The following PRSS58 variants were observed in gnomAD, a reference collection of about 807,000 sequenced individuals.
PRSS58 encodes the protein serine protease 58.
In PRSS58, 31 loss-of-function variants were observed where a neutral mutation model predicts 25.0. That is an observed-to-expected ratio of 1.24 (90% CI 0.93 to 1.67). The LOEUF is 1.67. Among genes scored for constraint, PRSS58 ranks in the 40% most tolerant of loss-of-function variants. The pLI, the probability that PRSS58 is intolerant of heterozygous loss-of-function variation, is 0.00. For synonymous variants in PRSS58, 119 were observed against 106.1 expected, an observed-to-expected ratio of 1.12 and a Z score of -0.75; for missense variants, 324 against 287.9, an observed-to-expected ratio of 1.13 and a Z score of -0.91.
In PRSS58 at chr7:142,258,010, A is replaced by G. The variant is rs1373427749; in HGVS notation, c.-61T>C. The G allele has an allele frequency of 1.9e-5, 7 of 377,068 alleles. No individual in the cohort carries two copies. In the East Asian group the frequency reaches 2.6e-4, roughly 14 times the overall value. 23.4% of individuals were successfully genotyped at this position (377,068 alleles called of 1,614,324 possible). ...AAGTACCAAAGCTAAGTTGAAGTTC[A>G]TGATATCTCTACAGACGCCTCCTGT... On this transcript the variant is annotated 5_prime_UTR_variant, in exon 1 of 6. It removes an upstream start codon present in the reference 5' UTR. Transcript: ENST00000547058.
chr7:142,252,219 G>A lies in PRSS58; in HGVS notation c.*2C>T. 6.2e-7 allele frequency: 1 copy of A among 1,609,780 alleles called. No individual in the cohort carries two copies. The highest frequency in any genetic ancestry group is 8.5e-7 in the Non-Finnish European group (1 of 1,178,176). On this transcript the variant is annotated 3_prime_UTR_variant, in exon 6 of 6. Transcript: ENST00000547058. Reference sequence around the variant, plus strand: ...TGTCATATGGTCCACAACTGCCACAGCTCAGTTATTTTGGATTACATTTTC... The same window carrying A: ...TGTCATATGGTCCACAACTGCCACAACTCAGTTATTTTGGATTACATTTTC...
In PRSS58 at chr7:142,252,270, T is replaced by C. The variant is rs1268185163; in HGVS notation, c.677A>G (p.Lys226Arg). Residue 226 changes from lysine to arginine, a missense_variant, in exon 6 of 6, where the codon AAA becomes AGA. By Grantham distance (26) the Lys-to-Arg change is conservative (BLOSUM62 2). Coordinates refer to ENST00000547058, the MANE Select transcript of PRSS58 (RefSeq NM_001001317.5). ...VLRADVGIYAKIFYYIPWIEN... is the reference protein window; with the variant it reads ...VLRADVGIYARIFYYIPWIEN... ...AATCCAGGGTATATAGTAAAAAATT[T>C]TGGCATAGATGCCAACATCAGCTCT... 6.2e-7 allele frequency: 1 copy of C among 1,614,082 alleles called. No homozygotes were observed. The highest frequency in any genetic ancestry group is 1.3e-5 in the African/African-American group (1 of 75,054).
intron 4 of PRSS58, among the ~76,000 whole-genome samples, chr7:142,254,723 A>G (rs1451813338): frequency 6.6e-6 from 1 of 152,186 alleles, no homozygotes; most frequent in Non-Finnish European, 1.5e-5. Context: ...AATATACAAC[A>G]GAGTAATCTG....
Position 142,255,535 on chromosome 7 carries a change from G to T in PRSS58, c.179C>A (p.Pro60Gln), listed in dbSNP as rs1462350367. 5.6e-6 allele frequency: 9 copies of T among 1,613,904 alleles called. No homozygotes were observed. Among genetic ancestry groups the T allele is most frequent in the Non-Finnish European group, 7.6e-6 (9 of 1,179,978 alleles). The change falls in exon 3 of 6, where the codon CCA (proline) becomes CAA (glutamine). Residue 60 changes from proline (P) to glutamine (Q), a missense_variant and splice_region_variant. Transcript: ENST00000547058. ...WVITAAHCNLPKLRVILGVTI... is the reference protein window; with the variant it reads ...WVITAAHCNLQKLRVILGVTI... ...GTGCCTTTGAAGGCTTATCACTCACGGTAAATTGCAGTGTGCAGCTGTGAT... is the reference window on the plus strand; with the variant it reads ...GTGCCTTTGAAGGCTTATCACTCACTGTAAATTGCAGTGTGCAGCTGTGAT...
At position 142,255,058 on chromosome 7, in the gene PRSS58, T is replaced by C. The variant is rs921072664; in HGVS notation, c.433A>G (p.Ile145Val). 2.5e-6 allele frequency: 4 copies of C among 1,613,898 alleles called. No individual in the cohort carries two copies. The African/African-American group carries it at 5.3e-5, about 22-fold the overall frequency. ...VSTWSYNVCD[I>V]YKEPDSLQTV... The stretch of plus-strand genomic sequence containing the variant: ...AAGAACATTGTCTTGAACTCACAGA[T>C]ATCACACACATTGTAGCTCCAGGTA... The change falls in exon 4 of 6, where the codon ATC becomes GTC. Residue 145 changes from isoleucine (I) to valine (V), a missense_variant. Transcript: ENST00000547058.
chr7:142,255,737 G>T, intron 2 of PRSS58, 64 bp from the exon 3 acceptor site: 2 of 1,473,780 alleles, frequency 1.4e-6, no homozygotes, highest in South Asian at 1.4e-5. Context: ...AAAACTTCAG[G>T]AAAGTCATTT....
chr7:142,254,878 C>T (rs918988242), intron 4 of PRSS58, among the ~76,000 whole-genome samples, 177 bp downstream of exon 4: 2 of 146,260 alleles, frequency 1.4e-5, no homozygotes, highest in African/African-American at 5.3e-5. Flanking sequence ...AAAGATACAG[C>T]GGGTGAATAA....
intron 4 of PRSS58, among the ~76,000 whole-genome samples, chr7:142,254,256 C>A (rs545464315): frequency 1.3e-5 from 2 of 152,200 alleles, no homozygotes; most frequent in East Asian, 3.9e-4. Flanking sequence ...TCTCAACTCT[C>A]GTAATTAGCA....
At chr7:142,255,490 C>A in intron 3 of PRSS58, 45 bp downstream of exon 3, 1 of 1,613,390 alleles carries the variant, frequency 6.2e-7, no homozygotes, top group South Asian at 1.1e-5. Context: ...TGTGCCCAAC[C>A]TGAGAACCCA....
rs1480075776 is a variant in PRSS58 at position 142,252,202 on chromosome 7, G to T, written c.*19C>A. 6 of 1,599,666 alleles carry T rather than the reference G, an allele frequency of 3.8e-6. No individual in the cohort carries two copies. Among genetic ancestry groups the T allele is most frequent in the Non-Finnish European group, 4.3e-6 (5 of 1,173,450 alleles). ...ACGATGGGGACAAGCTGTGTCATAT[G>T]GTCCACAACTGCCACAGCTCAGTTA... On this transcript the variant is annotated 3_prime_UTR_variant, in exon 6 of 6. Transcript: ENST00000547058.
intron 4 of PRSS58, among the ~76,000 whole-genome samples, chr7:142,254,815 T>C (rs1440934204): frequency 6.6e-6 from 1 of 152,176 alleles, no homozygotes; most frequent in African/African-American, 2.4e-5. Flanking sequence ...GGAATACAAA[T>C]GTTTTCTTTC....
At chr7:142,253,564 G>C (rs912740611) in intron 4 of PRSS58, among the ~76,000 whole-genome samples, 8 of 152,184 alleles carry the variant, frequency 5.3e-5, no homozygotes, top group African/African-American at 1.9e-4. Flanking sequence ...ATTTCTTTGG[G>C]AAGAAGTACT....
chr7:142,257,819 G>T, intron 1 of PRSS58, 71 bp from the exon 2 acceptor site: 2 of 860,712 alleles, frequency 2.3e-6, no homozygotes, highest in Non-Finnish European at 3.8e-6. Flanking sequence ...TATATCATCT[G>T]AATTATTTTA....
chr7:142,256,242 T>C (rs1204997456), intron 2 of PRSS58, among the ~76,000 whole-genome samples: 1 of 152,216 alleles, frequency 6.6e-6, no homozygotes, highest in African/African-American at 2.4e-5. Flanking sequence ...ATTCCTGCTC[T>C]CATATATTAC....
chr7:142,255,395 A>T (rs1798538406), intron 3 of PRSS58, 84 bp from the exon 4 acceptor site: 2 of 1,576,958 alleles, frequency 1.3e-6, no homozygotes, highest in Admixed American at 1.7e-5. Flanking sequence ...CTCCCCACAG[A>T]CCTTTTTCTG....
At position 142,257,724 on chromosome 7, in the gene PRSS58, C is replaced by G. The variant is rs1798582070; in HGVS notation, c.-17G>C. ...AAACTTCATGATGATGTTGAAAGCCCAGTTTAGCTCCAGTCTCTGGAAAAC... is the reference window on the plus strand; with the variant it reads ...AAACTTCATGATGATGTTGAAAGCCGAGTTTAGCTCCAGTCTCTGGAAAAC... On this transcript the variant is annotated 5_prime_UTR_variant, in exon 2 of 6. Coordinates refer to ENST00000547058, the MANE Select transcript of PRSS58 (RefSeq NM_001001317.5). 1.2e-6 allele frequency: 2 copies of G among 1,609,498 alleles called. No homozygotes were observed. The highest frequency in any genetic ancestry group is 1.1e-5 in the South Asian group (1 of 90,852).
In PRSS58 at chr7:142,254,979, G is replaced by A. The variant is rs556852193; in HGVS notation, c.436+76C>T. On this transcript the variant is annotated intron_variant, in intron 4 of 5. Coordinates refer to ENST00000547058, the MANE Select transcript of PRSS58 (RefSeq NM_001001317.5). ...GGTTAGAAGAAAGCTTCACTAGGCC[G>A]AATTGAAGAAGCCAAGAGTCGCGAA... is the stretch of plus-strand genomic sequence containing the variant. 4.5e-5 allele frequency: 64 copies of A among 1,422,280 alleles called. No homozygotes were observed. In the African/African-American group the frequency reaches 5.6e-4, roughly 12 times the overall value. 88.1% of individuals were successfully genotyped at this position (1,422,280 alleles called of 1,614,324 possible).
rs545524261 is a variant in PRSS58 at position 142,252,843 on chromosome 7, G to A, written c.437-232C>T. Among the ~76,000 whole-genome samples, 20 of 152,326 alleles carry A rather than the reference G, an allele frequency of 1.3e-4. No homozygotes were observed. The South Asian group carries it at 3.5e-3, about 27-fold the overall frequency. ...GTGATCAAATTCTTGGGAGTTACATGTACATGTGAGACACTCCAGGAATGA... is the reference window on the plus strand; with the variant it reads ...GTGATCAAATTCTTGGGAGTTACATATACATGTGAGACACTCCAGGAATGA... On this transcript the variant is annotated intron_variant, in intron 4 of 5. Transcript: ENST00000547058.
At position 142,257,754 on chromosome 7, in the gene PRSS58, AAG is replaced by A; in HGVS notation, c.-41-8_-41-7del. 5 of 1,483,248 alleles carry A rather than the reference AAG, an allele frequency of 3.4e-6. No individual in the cohort carries two copies. Among genetic ancestry groups the A allele is most frequent in the Non-Finnish European group, 4.7e-6 (5 of 1,063,374 alleles). 91.9% of individuals were successfully genotyped at this position (1,483,248 alleles called of 1,614,324 possible). Reference sequence around the variant, plus strand: ...TAGCTCCAGTCTCTGGAAAACTGGGAAGAGAGAGAGAAAACAACTAAATAAAA... The same window carrying A: ...TAGCTCCAGTCTCTGGAAAACTGGGAAGAGAGAGAAAACAACTAAATAAAA... On this transcript the variant is annotated splice_polypyrimidine_tract_variant and splice_region_variant and intron_variant, in intron 1 of 5. Coordinates refer to ENST00000547058, the MANE Select transcript of PRSS58 (RefSeq NM_001001317.5).
Sources: allele counts gnomAD v4.1 joint callset (sites outside exome capture counted in the v4.1 genomes callset), GRCh38; gene constraint gnomAD v4.1.1; transcripts MANE v1.5; gene names NCBI Gene and HGNC (gene_info 2026-07-23, HGNC 2026-07-21).